Variants in CA5A observed in about 807,000 individuals in gnomAD.
CA5A encodes the protein carbonic anhydrase 5A.
In CA5A, 28 loss-of-function variants were observed where a neutral mutation model predicts 37.1. The observed-to-expected ratio is 0.75, with a 90% CI of 0.56 to 1.03. CA5A has a LOEUF of 1.03. Among genes scored for constraint, CA5A ranks in the 50% least tolerant of loss-of-function variants. The pLI is 0.00. For missense variants in CA5A, 444 were observed against 399.9 expected (o/e 1.11, Z -0.94); for synonymous variants, 171 against 158.4 (o/e 1.08, Z -0.60).
intron 2 of CA5A, among the ~76,000 whole-genome samples, chr16:87,920,816 C>G (rs2056220219): frequency 6.6e-6 from 1 of 151,824 alleles, no homozygotes; most frequent in Non-Finnish European, 1.5e-5. Context: ...TTTTTGAGAC[C>G]AGGTTTCACT....
At chr16:87,930,743 T>C (rs2056390822) in intron 1 of CA5A, among the ~76,000 whole-genome samples, 1 of 147,586 alleles carries the variant, frequency 6.8e-6, no homozygotes. Flanking sequence ...CTATTTTTTT[T>C]TTTTTTTTCT....
intron 6 of CA5A, among the ~76,000 whole-genome samples, chr16:87,890,858 G>C (rs1218527027): frequency 6.6e-6 from 1 of 150,830 alleles, no homozygotes; most frequent in Non-Finnish European, 1.5e-5. Context: ...GCAGTGGCGT[G>C]ATCTCAGCTC....
intron 1 of CA5A, among the ~76,000 whole-genome samples, chr16:87,932,290 G>A (rs1030379565): frequency 6.6e-6 from 1 of 152,168 alleles, no homozygotes; most frequent in African/African-American, 2.4e-5. Context: ...TAAAGCCACT[G>A]ATGCCACAGA....
At chr16:87,895,531 G>A (rs1395203456) in intron 5 of CA5A, among the ~76,000 whole-genome samples, 4 of 152,086 alleles carry the variant, frequency 2.6e-5, no homozygotes, top group Non-Finnish European at 4.4e-5. Flanking sequence ...GGCAACAAGA[G>A]TGAAACTCCA....
At position 87,929,375 on chromosome 16, in the gene CA5A, C is replaced by T. The variant is rs2056364147; in HGVS notation, c.143-2430G>A. ...GCTGAGGCAGGAGAATGGCTTGAAT[C>T]TGGGAGGCGGAGATTGCAGTGAGCA... is the stretch of plus-strand genomic sequence containing the variant. On this transcript the variant is annotated intron_variant, in intron 1 of 6. Transcript: ENST00000649794. Among the ~76,000 whole-genome samples, 8 of 146,776 alleles carry T rather than the reference C, an allele frequency of 5.5e-5. No individual in the cohort carries two copies. In the South Asian group the frequency reaches 1.7e-3, roughly 31 times the overall value.
intron 5 of CA5A, chr16:87,893,125 C>CCTTCCTTT (rs2055748578): frequency 1.9e-6 from 1 of 522,246 alleles, no homozygotes; most frequent in Non-Finnish European, 3.3e-6. Flanking sequence ...TTTCTTTCTT[C>CCTTCCTTT]CTTTCTTTCT....
At chr16:87,915,449 G>T (rs2056123114) in intron 2 of CA5A, among the ~76,000 whole-genome samples, 1 of 151,620 alleles carries the variant, frequency 6.6e-6, no homozygotes, top group African/African-American at 2.4e-5. Flanking sequence ...GTGAGAGGGT[G>T]GTTTGAGCTC....
downstream of CA5A, chr16:87,887,844 C>T (rs1597536942): frequency 9.6e-6 from 3 of 311,586 alleles, no homozygotes; most frequent in East Asian, 1.8e-4. Context: ...GAGAATCAAT[C>T]TCCATTGTTT....
At chr16:87,889,700 A>G (rs950182808) in intron 6 of CA5A, among the ~76,000 whole-genome samples, 9 of 152,064 alleles carry the variant, frequency 5.9e-5, no homozygotes, top group Non-Finnish European at 8.8e-5. Context: ...TTAACCTGGG[A>G]GGCGGAGCTT....
chr16:87,936,195 G>T, intron 1 of CA5A, 114 bp downstream of exon 1: 3 of 648,058 alleles, frequency 4.6e-6, no homozygotes, highest in Non-Finnish European at 5.4e-6. Context: ...AAAAAACGGA[G>T]TGGAAATCTG....
chr16:87,888,397 A>G (rs889458962), intron 6 of CA5A, 125 bp from the exon 7 acceptor site: 1 of 831,640 alleles, frequency 1.2e-6, no homozygotes, highest in Non-Finnish European at 1.9e-6. Flanking sequence ...TGATCAATAA[A>G]TATGGTGGAA....
intron 2 of CA5A, among the ~76,000 whole-genome samples, chr16:87,925,032 G>A (rs550537043): frequency 2.2e-4 from 34 of 152,268 alleles, no homozygotes; most frequent in South Asian, 1.7e-3. Flanking sequence ...GAGGCCTGGC[G>A]CATAAAATAT....
chr16:87,932,809 A>G (rs1258257556), intron 1 of CA5A, among the ~76,000 whole-genome samples: 1 of 152,200 alleles, frequency 6.6e-6, no homozygotes, highest in Non-Finnish European at 1.5e-5. Flanking sequence ...ATGGTGGTTC[A>G]GCAAATCTCA....
chr16:87,894,348 C>G (rs2055770328), intron 5 of CA5A, among the ~76,000 whole-genome samples: 1 of 151,984 alleles, frequency 6.6e-6, no homozygotes, highest in African/African-American at 2.4e-5. Context: ...AGATGGCCTC[C>G]CTGCTCAGCC....
Position 87,891,887 on chromosome 16 carries a change from G to C in CA5A, c.686C>G (p.Thr229Ser). 6.3e-7 allele frequency: 1 copy of C among 1,574,976 alleles called. No homozygotes were observed. Among genetic ancestry groups the C allele is most frequent in the East Asian group, 2.4e-5 (1 of 41,854 alleles). Residue 229 changes from threonine to serine, a missense_variant, in exon 6 of 7, where the codon ACC becomes AGC. Coordinates refer to ENST00000649794, the MANE Select transcript of CA5A (RefSeq NM_001739.2). ...CGGGGTGGTGAGCGAGCCCGCGTAG[G>C]TCCAGTAATCCCAGCAGGTGGGCAG... ...TLLPTCWDYW[T>S]YAGSLTTPPL...
Position 87,936,298 on chromosome 16 carries a change from G to A in CA5A, c.142+11C>T. The A allele has an allele frequency of 6.3e-7, 1 of 1,598,838 alleles. No homozygotes were observed. The highest frequency in any genetic ancestry group is 8.6e-7 in the Non-Finnish European group (1 of 1,166,558). Reference sequence around the variant, plus strand: ...CCAGTCGCATCTTAGGAAATTTGAGGCTCTACTTACAAGTGTTATTGCTGG... The same window carrying A: ...CCAGTCGCATCTTAGGAAATTTGAGACTCTACTTACAAGTGTTATTGCTGG... On this transcript the variant is annotated intron_variant, in intron 1 of 6. Coordinates refer to ENST00000649794, the MANE Select transcript of CA5A (RefSeq NM_001739.2).
intron 3 of CA5A, among the ~76,000 whole-genome samples, 185 bp from the exon 4 acceptor site, chr16:87,902,705 G>C (rs1282127401): frequency 1.3e-5 from 2 of 151,446 alleles, no homozygotes; most frequent in Non-Finnish European, 2.9e-5. Context: ...AGGAGATCGA[G>C]ACCATGCTGG....
chr16:87,919,104 C>T (rs1597576222), intron 2 of CA5A, among the ~76,000 whole-genome samples: 1 of 152,274 alleles, frequency 6.6e-6, no homozygotes, highest in East Asian at 1.9e-4. Context: ...ATCCTTTAAG[C>T]AGATGTGAAG....
intron 5 of CA5A, 87 bp from the exon 6 acceptor site, chr16:87,892,041 T>C: frequency 7.9e-7 from 1 of 1,266,632 alleles, no homozygotes; most frequent in Non-Finnish European, 1.1e-6. Flanking sequence ...GCCTTCATGG[T>C]GCTTGGAAGG....
Sources: allele counts gnomAD v4.1 joint callset (sites outside exome capture counted in the v4.1 genomes callset), GRCh38; gene constraint gnomAD v4.1.1; transcripts MANE v1.5; gene names NCBI Gene and HGNC (gene_info 2026-07-23, HGNC 2026-07-21).